Variants in DOT1L observed in about 807,000 individuals in gnomAD.
DOT1L encodes DOT1 like histone lysine methyltransferase.
Under a neutral mutation model 153.3 loss-of-function variants are expected in DOT1L, and 33 were observed. That is an observed-to-expected ratio of 0.22 (90% CI 0.16 to 0.29). DOT1L has a LOEUF of 0.29. Among genes scored for constraint, DOT1L ranks in the 10% least tolerant of loss-of-function variants. The probability of loss-of-function intolerance (pLI) is 1.00; values close to 1 mark genes in which losing one functional copy is unlikely to be tolerated. For synonymous variants in DOT1L, 1,135 were observed against 965.1 expected (o/e 1.18, Z -3.26); for missense variants, 1,847 against 2,119.9 (o/e 0.87, Z 2.53).
intron 27 of DOT1L, 131 bp downstream of exon 27, chr19:2,227,258 GC>G: frequency 8.3e-7 from 1 of 1,203,194 alleles, no homozygotes; most frequent in Non-Finnish European, 1.2e-6. Flanking sequence ...GCCGGCCCCC[GC>G]CATCCGTGCA....
In DOT1L at chr19:2,211,225, G is replaced by A; in HGVS notation, c.1465+13G>A. On this transcript the variant is annotated intron_variant, in intron 15 of 27. Coordinates refer to ENST00000398665, the MANE Select transcript of DOT1L (RefSeq NM_032482.3). ...CAGAAGCTTCTAGGTGAGCCCGTGTGAGGCGTCCGGCGAAGGGTTCTGGGC... is the reference window on the plus strand; with the variant it reads ...CAGAAGCTTCTAGGTGAGCCCGTGTAAGGCGTCCGGCGAAGGGTTCTGGGC... 1.3e-6 allele frequency: 2 copies of A among 1,590,694 alleles called. No individual in the cohort carries two copies. The highest frequency in any genetic ancestry group is 1.7e-6 in the Non-Finnish European group (2 of 1,167,188).
In DOT1L at chr19:2,211,830, G is replaced by C; in HGVS notation, c.1545G>C (p.Leu515=). 1 of 1,568,132 alleles carries C rather than the reference G, an allele frequency of 6.4e-7. No homozygotes were observed. The highest frequency in any genetic ancestry group is 8.6e-7 in the Non-Finnish European group (1 of 1,156,360). Residue 515 remains leucine, a synonymous_variant, in exon 16 of 28, where the codon CTG becomes CTC. Transcript: ENST00000398665. ...ACAAGGCCAGCCTGCAGGAGCTGCT[G>C]GGCCAGGAGAAGGTGGGTCCTGGCC... ...PQYKASLQEL[L]GQEKEKNAQL...
chr19:2,216,077 A>C, intron 19 of DOT1L: 1 of 614,316 alleles, frequency 1.6e-6, no homozygotes, highest in Non-Finnish European at 2.7e-6. Flanking sequence ...TGTCAGCAAA[A>C]ACCATCCTCG....
Position 2,213,601 on chromosome 19 carries a change from G to A in DOT1L, c.1620G>A (p.Lys540=). The A allele has an allele frequency of 1.2e-6, 2 of 1,613,780 alleles. No individual in the cohort carries two copies. Among genetic ancestry groups the A allele is most frequent in the Non-Finnish European group, 1.7e-6 (2 of 1,179,994 alleles). The change falls in exon 17 of 28, where the codon AAG becomes AAA. Residue 540 remains lysine (K), a synonymous_variant. Transcript: ENST00000398665. Reference sequence around the variant, plus strand: ...TCCTCAGCCACTGCCAGGCCCAGAAGGAGGAGATCAGGAGGCTGTTTCAGC... The same window carrying A: ...TCCTCAGCCACTGCCAGGCCCAGAAAGAGGAGATCAGGAGGCTGTTTCAGC... The part of the protein sequence containing the change: ...QQLLSHCQAQ[K]EEIRRLFQQK...
chr19:2,215,949 C>T (rs573443281), intron 19 of DOT1L: 5 of 242,408 alleles, frequency 2.1e-5, no homozygotes, highest in Admixed American at 5.5e-5. Flanking sequence ...GCTCGAGTGG[C>T]GTGTCCCTCC....
chr19:2,190,489 C>T lies in DOT1L; in HGVS notation c.265-523C>T, dbSNP rs2022744021. On this transcript the variant is annotated intron_variant, in intron 4 of 27. Transcript: ENST00000398665. This position sits in a 1 kb window ranked among gnomAD's most constrained non-coding sequence, Gnocchi z 4.8. ...CCACCCGGCTCTGGCTTCCCCTCAA[C>T]CTCATGCATGCAGCTCTGTGGGCCC... Among the ~76,000 whole-genome samples, 1 of 152,106 alleles carries T rather than the reference C, an allele frequency of 6.6e-6. No homozygotes were observed. The highest frequency in any genetic ancestry group is 2.1e-4 in the South Asian group (1 of 4,832).
intron 8 of DOT1L, among the ~76,000 whole-genome samples, chr19:2,201,175 G>T (rs1299986141): frequency 3.5e-4 from 39 of 111,870 alleles, no homozygotes; most frequent in Non-Finnish European, 4.7e-4. Flanking sequence ...CGTCCTCCCC[G>T]CATTCCTCGT....
chr19:2,208,870 G>A lies in DOT1L; in HGVS notation c.964-65G>A. 2 of 1,555,676 alleles carry A rather than the reference G, an allele frequency of 1.3e-6. No individual in the cohort carries two copies. Among genetic ancestry groups the A allele is most frequent in the Non-Finnish European group, 1.8e-6 (2 of 1,137,820 alleles). On this transcript the variant is annotated intron_variant, in intron 11 of 27. Transcript: ENST00000398665. This position sits in a 1 kb window ranked among gnomAD's most constrained non-coding sequence, Gnocchi z 4.4. ...TCCAGGTTGCTGTTGTTACCTGGGT[G>A]TCCAGACAAATCCGAACAGAGATTG... is the stretch of plus-strand genomic sequence containing the variant.
chr19:2,168,681 C>T (rs1215744704), intron 1 of DOT1L, among the ~76,000 whole-genome samples: 1 of 151,816 alleles, frequency 6.6e-6, no homozygotes, highest in Non-Finnish European at 1.5e-5. Context: ...ACGGTGTGAT[C>T]TCGGTTCACT....
At chr19:2,223,548 C>A in intron 25 of DOT1L, 62 bp downstream of exon 25, 1 of 361,684 alleles carries the variant, frequency 2.8e-6, no homozygotes, top group Non-Finnish European at 4.2e-6. Flanking sequence ...TGCCTGCTCA[C>A]TGTGTGTGTG....
In DOT1L at chr19:2,213,615, G is replaced by A. The variant is rs747545389; in HGVS notation, c.1634G>A (p.Arg545Lys). 2.5e-6 allele frequency: 4 copies of A among 1,613,822 alleles called. No homozygotes were observed. In the Admixed American group the frequency reaches 6.7e-5, roughly 27 times the overall value. ...CAGGCCCAGAAGGAGGAGATCAGGA[G>A]GCTGTTTCAGCAAAAATTGGATGAG... ...HCQAQKEEIR[R>K]LFQQKLDELG... Residue 545 changes from arginine (R) to lysine (K), a missense_variant, in exon 17 of 28, where the codon AGG (arginine) becomes AAG (lysine). Arg to Lys is a conservative substitution (Grantham distance 26). Around this residue, in one of 8 missense-constraint regions of DOT1L, gnomAD observed 156 missense variants for 235.7 expected, o/e 0.66. Transcript: ENST00000398665.
chr19:2,194,515 A>T lies in DOT1L; in HGVS notation c.589A>T (p.Thr197Ser). 6.2e-7 allele frequency: 1 copy of T among 1,613,904 alleles called. No homozygotes were observed. The highest frequency in any genetic ancestry group is 8.5e-7 in the Non-Finnish European group (1 of 1,179,988). ...KADIPAKYAE[T>S]MDREFRKWMK... is the part of the protein sequence containing the mutation. Reference sequence around the variant, plus strand: ...GGGCGTTTGGTTTCTTTCCTTCCAGACCATGGACCGCGAGTTCAGGAAGTG... The same window carrying T: ...GGGCGTTTGGTTTCTTTCCTTCCAGTCCATGGACCGCGAGTTCAGGAAGTG... Residue 197 changes from threonine (T) to serine (S), a missense_variant and splice_region_variant, in exon 7 of 28, where the codon ACC becomes TCC. This residue lies in a region of DOT1L where 148 missense variants were observed against 422.3 expected (regional missense o/e 0.35). Coordinates refer to ENST00000398665, the MANE Select transcript of DOT1L (RefSeq NM_032482.3).
chr19:2,218,647 C>G (rs1327319876), intron 22 of DOT1L, among the ~76,000 whole-genome samples: 1 of 151,898 alleles, frequency 6.6e-6, no homozygotes, highest in Non-Finnish European at 1.5e-5. Flanking sequence ...CCCGCCTGGG[C>G]CTCCCAAAGT....
At chr19:2,224,462 C>CTT (rs553480656) in intron 25 of DOT1L, among the ~76,000 whole-genome samples, 11 of 130,272 alleles carry the variant, frequency 8.4e-5, no homozygotes, top group Non-Finnish European at 1.3e-4. Flanking sequence ...GGGTTTTTTG[C>CTT]TTTTTTTTTT....
intron 27 of DOT1L, chr19:2,229,423 T>TGTG: frequency 1.0e-6 from 1 of 985,464 alleles, no homozygotes; most frequent in Non-Finnish European, 1.2e-6. Flanking sequence ...AGGCGGAGGC[T>TGTG]GTGGCCAGGG....
At chr19:2,218,488 G>A (rs1472318342) in intron 22 of DOT1L, among the ~76,000 whole-genome samples, 3 of 151,806 alleles carry the variant, frequency 2.0e-5, no homozygotes, top group Non-Finnish European at 4.4e-5. Context: ...CCACCTCCCG[G>A]GTTCACGCCA....
At chr19:2,187,739 A>G (rs559132662) in intron 3 of DOT1L, among the ~76,000 whole-genome samples, 88 of 152,160 alleles carry the variant, frequency 5.8e-4, no homozygotes, top group South Asian at 1.0e-3. Flanking sequence ...TCGCTAGCAC[A>G]GTGAAACCCC....
intron 1 of DOT1L, among the ~76,000 whole-genome samples, chr19:2,168,281 AACATAGGGAG>A (rs2020003303): frequency 6.6e-6 from 1 of 152,220 alleles, no homozygotes; most frequent in Non-Finnish European, 1.5e-5. Context: ...AAGCCAGGGC[AACATAGGGAG>A]ACTCCATCTC....
At chr19:2,228,877 C>T in intron 27 of DOT1L, 1 of 985,420 alleles carries the variant, frequency 1.0e-6, no homozygotes, top group Non-Finnish European at 1.2e-6. Context: ...CTGGTCGGGG[C>T]TGTCTGGCCA....
Sources: gnomAD v4.1 joint callset for allele counts (sites outside exome capture counted in the v4.1 genomes callset) on GRCh38, gnomAD v4.1.1 for gene constraint, gnomAD v4.1.1 regional missense constraint, Gnocchi (gnomAD v3.1) non-coding constraint, MANE v1.5 for transcripts, NCBI Gene and HGNC (gene_info 2026-07-23, HGNC 2026-07-21) for gene names.